Variants in CGN observed in about 807,000 individuals in gnomAD.
CGN encodes the protein cingulin.
CGN carries 121 observed loss-of-function variants against 157.1 expected under a neutral mutation model. The ratio of observed to expected loss-of-function variants is 0.77; its 90% CI spans 0.66 to 0.90. The LOEUF is 0.90. Among genes scored for constraint, CGN ranks in the 40% least tolerant of loss-of-function variants. The pLI is 0.00. For synonymous variants in CGN, 535 were observed against 607.5 expected (o/e 0.88, Z 1.76); for missense variants, 1,424 against 1,520.9 (o/e 0.94, Z 1.06).
intron 11 of CGN, 34 bp from the exon 12 acceptor site, chr1:151,529,875 G>C (rs776955491): frequency 3.1e-6 from 5 of 1,592,490 alleles, no homozygotes; most frequent in Non-Finnish European, 3.4e-6. Flanking sequence ...CCACGCCCTG[G>C]GGTCTGAGCT....
chr1:151,528,486 C>T (rs920608486), intron 10 of CGN, among the ~76,000 whole-genome samples: 2 of 151,690 alleles, frequency 1.3e-5, no homozygotes, highest in African/African-American at 4.9e-5. Context: ...GGCACAATCT[C>T]GGCTCACTGC....
In CGN at chr1:151,527,108, G is replaced by T. The variant is rs201532952; in HGVS notation, c.1896+1G>T. The T allele has an allele frequency of 2.5e-5, 40 of 1,613,964 alleles. No individual in the cohort carries two copies. Among genetic ancestry groups the T allele is most frequent in the Non-Finnish European group, 3.1e-5 (37 of 1,180,024 alleles). ...TCGCCAGGTTGAGGTGCTCAAGAAG[G>T]TATTTGGGAATTGGGGGGCAGAATG... On this transcript the variant is annotated splice_donor_variant, in intron 10 of 20. Coordinates refer to ENST00000271636, the MANE Select transcript of CGN (RefSeq NM_020770.3). LOFTEE classifies it high-confidence loss of function.
At chr1:151,515,159 C>T (rs12136758) in intron 1 of CGN, among the ~76,000 whole-genome samples, 2,961 of 151,898 alleles carry the variant, frequency 0.019, 45 homozygotes, top group Non-Finnish European at 0.03. Flanking sequence ...TGCACCACCA[C>T]GCACAGCTAA....
rs1187445910 is a variant in CGN, at chr1:151,511,917, G to C, written c.-15+402G>C. On this transcript the variant is annotated intron_variant, in intron 1 of 20. Transcript: ENST00000271636. This position sits in a 1 kb window ranked among gnomAD's most constrained non-coding sequence, Gnocchi z 4.8. ...CTGCCTGAGGTGCAGACTCGCCAGGGGAGGGCATCTGCAGGTGCTGCTCGC... is the reference window on the plus strand; with the variant it reads ...CTGCCTGAGGTGCAGACTCGCCAGGCGAGGGCATCTGCAGGTGCTGCTCGC... Among the ~76,000 whole-genome samples the C allele has an allele frequency of 2.0e-5, 3 of 152,176 alleles. No homozygotes were observed. Among genetic ancestry groups the C allele is most frequent in the African/African-American group, 7.2e-5 (3 of 41,436 alleles).
At position 151,530,665 on chromosome 1, in the gene CGN, G is replaced by A; in HGVS notation, c.2490G>A (p.Arg830=). 1 of 1,576,476 alleles carries A rather than the reference G, an allele frequency of 6.3e-7. No homozygotes were observed. Among genetic ancestry groups the A allele is most frequent in the South Asian group, 1.1e-5 (1 of 87,108 alleles). The change falls in exon 13 of 21, where the codon CGG becomes CGA. Residue 830 remains arginine, a synonymous_variant. Coordinates refer to ENST00000271636, the MANE Select transcript of CGN (RefSeq NM_020770.3). Reference sequence around the variant, plus strand: ...CCCTGGAGGAGGAAGGGAAGCAGCGGGAGGTGCTCCGGCGAGGCAAGGCTG... The same window carrying A: ...CCCTGGAGGAGGAAGGGAAGCAGCGAGAGGTGCTCCGGCGAGGCAAGGCTG... ...NRALEEEGKQ[R]EVLRRGKAEL...
At chr1:151,534,417 T>C (rs1664911953) in intron 15 of CGN, 2 of 433,690 alleles carry the variant, frequency 4.6e-6, no homozygotes, top group South Asian at 5.3e-5. Flanking sequence ...GTTTCCCCTT[T>C]AGAGTGAACA....
In CGN at chr1:151,536,242, A is replaced by G. The variant is rs1333396569; in HGVS notation, c.3203A>G (p.Lys1068Arg). The G allele has an allele frequency of 6.3e-7, 1 of 1,594,884 alleles. No individual in the cohort carries two copies. Among genetic ancestry groups the G allele is most frequent in the South Asian group, 1.1e-5 (1 of 90,646 alleles). Residue 1068 changes from lysine (K) to arginine (R), a missense_variant, in exon 19 of 21, where the codon AAG (lysine) becomes AGG (arginine). Transcript: ENST00000271636. Reference protein sequence around the residue: ...QERLQAEEREKTVLQSTNRKL... With the variant: ...QERLQAEERERTVLQSTNRKL... ...ATTCTTCTACCTCACCTTAGGGAGA[A>G]GACAGTTCTGCAGTCTACCAATCGA... is the stretch of plus-strand genomic sequence containing the variant.
intron 1 of CGN, among the ~76,000 whole-genome samples, chr1:151,512,719 GCT>G (rs1019877049): frequency 6.6e-6 from 1 of 152,186 alleles, no homozygotes; most frequent in Non-Finnish European, 1.5e-5. Flanking sequence ...ATTAGCAACC[GCT>G]ATGTTTGTAG....
chr1:151,515,343 T>G (rs1354753568), intron 1 of CGN, among the ~76,000 whole-genome samples: 1 of 152,178 alleles, frequency 6.6e-6, no homozygotes, highest in East Asian at 1.9e-4. Flanking sequence ...ACTTGGTACT[T>G]TTTTATCATT....
chr1:151,536,083 G>A (rs1437138151), intron 18 of CGN, 154 bp from the exon 19 acceptor site: 12 of 708,444 alleles, frequency 1.7e-5, no homozygotes, highest in South Asian at 6.8e-5. Context: ...TGTGAATGAC[G>A]TCACTCTCCC....
Position 151,524,794 on chromosome 1 carries a change from G to T in CGN, c.1522G>T (p.Val508Leu), listed in dbSNP as rs1042958096. The T allele has an allele frequency of 1.7e-5, 28 of 1,612,748 alleles. No individual in the cohort carries two copies. The highest frequency in any genetic ancestry group is 1.9e-4 in the Middle Eastern group (1 of 5,164). ...TALKGALKEEVASRDQEVEHV... is the reference protein window; with the variant it reads ...TALKGALKEELASRDQEVEHV... ...CCTGAAGGGGGCCCTGAAAGAGGAG[G>T]TAGCCTCCCGTGACCAGGAGGTGGA... is the stretch of plus-strand genomic sequence containing the variant. The change falls in exon 8 of 21, where the codon GTA (valine) becomes TTA (leucine). Residue 508 changes from valine to leucine, a missense_variant. By Grantham distance (32) the Val-to-Leu change is conservative. Transcript: ENST00000271636. This position sits in a 1 kb window ranked among gnomAD's most constrained non-coding sequence, Gnocchi z 4.4.
rs879710325 is a variant in CGN at position 151,515,016 on chromosome 1, CT to C, written c.-14-3475del. On this transcript the variant is annotated intron_variant, in intron 1 of 20. Transcript: ENST00000271636. Reference sequence around the variant, plus strand: ...CCCAAGTTCAATAAAGTACAAACATCTTTTTTTTTTTTTTTGAGATGGAGTC... The same window carrying C: ...CCCAAGTTCAATAAAGTACAAACATCTTTTTTTTTTTTTTGAGATGGAGTC... 2.3e-3 allele frequency among the ~76,000 whole-genome samples: 328 copies of C among 142,956 alleles called. 1 individual carries two copies. The highest frequency in any genetic ancestry group is 7.3e-3 in the Middle Eastern group (2 of 274). The allele number at this position is 142,956 out of a possible 152,430, so 93.8% of individuals were successfully genotyped here.
intron 14 of CGN, 67 bp from the exon 15 acceptor site, chr1:151,533,908 C>T: frequency 7.1e-7 from 1 of 1,417,196 alleles, no homozygotes; most frequent in Non-Finnish European, 9.6e-7. Context: ...CTGGGCTGGA[C>T]TGCTCCTGCC....
chr1:151,523,257 A>G (rs1401904629), intron 5 of CGN, among the ~76,000 whole-genome samples, 177 bp from the exon 6 acceptor site: 1 of 152,256 alleles, frequency 6.6e-6, no homozygotes, highest in Non-Finnish European at 1.5e-5. Context: ...ATTTTACATC[A>G]TCACAAGTAC....
rs769824420 is a variant in CGN, at chr1:151,532,483, C to T, written c.2653C>T (p.Arg885Trp). The T allele has an allele frequency of 1.3e-5, 21 of 1,609,472 alleles. No individual in the cohort carries two copies. In the East Asian group the frequency reaches 1.6e-4, roughly 12 times the overall value. The change falls in exon 14 of 21, where the codon CGG (arginine) becomes TGG (tryptophan). Residue 885 changes from arginine to tryptophan, a missense_variant. This residue lies in a region of CGN where 1,187 missense variants were observed against 1,217.6 expected (regional missense o/e 0.97). Coordinates refer to ENST00000271636, the MANE Select transcript of CGN (RefSeq NM_020770.3). ...GGAGGATTATAAGGAAAAGGCCCGG[C>T]GGGAGGTGGCAGATGCCCAGCGCCA... ...QLEDYKEKAR[R>W]EVADAQRQAK...
rs1168349150 is a variant in CGN at position 151,535,798 on chromosome 1, C to T, written c.3097C>T (p.Arg1033Trp). The change falls in exon 18 of 21, where the codon CGG becomes TGG. Residue 1033 changes from arginine (R) to tryptophan (W), a missense_variant. Arg to Trp is a moderately radical substitution (Grantham distance 101). Coordinates refer to ENST00000271636, the MANE Select transcript of CGN (RefSeq NM_020770.3). ...CTCTCAGAACAAGGACCTGAAGACC[C>T]GGTTGGCCAGCTCAGAAGGCTTCCA... ...LERQNKDLKT[R>W]LASSEGFQKP... 7 of 1,613,972 alleles carry T rather than the reference C, an allele frequency of 4.3e-6. No individual in the cohort carries two copies. The highest frequency in any genetic ancestry group is 5.9e-6 in the Non-Finnish European group (7 of 1,180,002).
At chr1:151,530,238 C>G (rs1445795564) in intron 12 of CGN, 123 bp downstream of exon 12, 11 of 1,098,332 alleles carry the variant, frequency 1.0e-5, no homozygotes, top group Admixed American at 5.3e-5. Context: ...CCCAAACCTG[C>G]TCTGTTAACC....
intron 14 of CGN, 33 bp downstream of exon 14, chr1:151,532,605 C>T: frequency 8.1e-7 from 1 of 1,228,538 alleles, no homozygotes; most frequent in Non-Finnish European, 1.1e-6. Flanking sequence ...TTTGAAGGTC[C>T]TTGCCTCTTT....
chr1:151,527,223 T>A, intron 10 of CGN, 116 bp downstream of exon 10: 3 of 1,061,210 alleles, frequency 2.8e-6, no homozygotes, highest in Non-Finnish European at 2.9e-6. Flanking sequence ...TTTCCAGGCC[T>A]CATCCTGCCT....
Sources: gnomAD v4.1 joint callset for allele counts (sites outside exome capture counted in the v4.1 genomes callset) on GRCh38, gnomAD v4.1.1 for gene constraint, gnomAD v4.1.1 regional missense constraint, Gnocchi (gnomAD v3.1) non-coding constraint, MANE v1.5 for transcripts, NCBI Gene and HGNC (gene_info 2026-07-23, HGNC 2026-07-21) for gene names.